The following PEA15 variants were observed in gnomAD, a reference collection of about 807,000 sequenced individuals.
PEA15 encodes proliferation and apoptosis adaptor protein 15.
For synonymous variants in PEA15, 60 were observed against 61.8 expected (o/e 0.97, Z 0.13); for missense variants, 77 against 161.3 (o/e 0.48, Z 2.83).
chr1:160,211,251 G>A, intron 1 of PEA15: 1 of 1,075,768 alleles, frequency 9.3e-7, no homozygotes, highest in South Asian at 4.4e-5. Flanking sequence ...TCAGTCAGGG[G>A]AACTGTTGCC....
rs561151171 is a variant in PEA15 at position 160,214,483 on chromosome 1, G to C, written c.*997G>C. On this transcript the variant is annotated 3_prime_UTR_variant, in exon 4 of 4. Coordinates refer to ENST00000360472, the MANE Select transcript of PEA15 (RefSeq NM_003768.5). ...AAACCCTTCTTTACTAGATATCCTG[G>C]CCCCCTGGGCTTGTGAACACCTCCT... is the stretch of plus-strand genomic sequence containing the variant. The C allele has an allele frequency of 6.6e-6, 1 of 152,542 alleles. No homozygotes were observed. Among genetic ancestry groups the C allele is most frequent in the African/African-American group, 2.4e-5 (1 of 41,370 alleles). 9.4% of individuals were successfully genotyped at this position (152,542 alleles called of 1,614,324 possible). A position where few individuals can be genotyped will look rare whatever the true frequency, so the allele number is the denominator to read the frequency against.
In PEA15 at chr1:160,205,533, C is replaced by G. The variant is rs866745965; in HGVS notation, c.-3+11C>G. 7.1e-5 allele frequency: 11 copies of G among 155,184 alleles called. No individual in the cohort carries two copies. The highest frequency in any genetic ancestry group is 3.4e-4 in the South Asian group (2 of 5,806). 9.6% of individuals were successfully genotyped at this position (155,184 alleles called of 1,614,324 possible). ...TCAGCTCCAGAGGCGGTGAGAGGGG[C>G]GGAGAGGAGACATGTCGCGGGGAAG... On this transcript the variant is annotated intron_variant, in intron 1 of 3. Coordinates refer to ENST00000360472, the MANE Select transcript of PEA15 (RefSeq NM_003768.5). The surrounding 1 kb of genome is among the most constrained non-coding windows in gnomAD (Gnocchi z 5.9).
At position 160,213,473 on chromosome 1, in the gene PEA15, CGAA is replaced by C; in HGVS notation, c.385_387del (p.Lys129del). 6.2e-7 allele frequency: 1 copy of C among 1,614,036 alleles called. No individual in the cohort carries two copies. The highest frequency in any genetic ancestry group is 2.2e-5 in the East Asian group (1 of 44,874). ...GAGATCATCAAATTGGCTCCCCCAC[CGAA>C]GAAGGCCTGAGCAAGGGGGAGGAAG... On this transcript the variant is annotated inframe_deletion, in exon 4 of 4. Transcript: ENST00000360472. The surrounding 1 kb of genome is among the most constrained non-coding windows in gnomAD (Gnocchi z 5.3).
At chr1:160,209,214 C>T (rs1000310062) in intron 1 of PEA15, among the ~76,000 whole-genome samples, 1 of 152,176 alleles carries the variant, frequency 6.6e-6, no homozygotes, top group African/African-American at 2.4e-5. Flanking sequence ...CCTCCATTAC[C>T]AGAACATCCA....
chr1:160,205,597 C>G lies in PEA15; in HGVS notation c.-3+75C>G, dbSNP rs1201878199. 1 of 153,284 alleles carries G rather than the reference C, an allele frequency of 6.5e-6. No individual in the cohort carries two copies. The highest frequency in any genetic ancestry group is 1.9e-4 in the East Asian group (1 of 5,220). The allele number at this position is 153,284 out of a possible 1,614,324, so 9.5% of individuals were successfully genotyped here. A position where few individuals can be genotyped will look rare whatever the true frequency, so the allele number is the denominator to read the frequency against. ...GGTCTAGGCTTGGAGGGGCAACGATCTGGGACACCGGGGGCCAGACGGGGA... is the reference window on the plus strand; with the variant it reads ...GGTCTAGGCTTGGAGGGGCAACGATGTGGGACACCGGGGGCCAGACGGGGA... On this transcript the variant is annotated intron_variant, in intron 1 of 3. Coordinates refer to ENST00000360472, the MANE Select transcript of PEA15 (RefSeq NM_003768.5). The surrounding 1 kb of genome is among the most constrained non-coding windows in gnomAD (Gnocchi z 5.9).
intron 1 of PEA15, among the ~76,000 whole-genome samples, chr1:160,209,925 T>C (rs1467915250): frequency 6.6e-6 from 1 of 152,260 alleles, no homozygotes; most frequent in African/African-American, 2.4e-5. Context: ...TGGCCCGGCC[T>C]GGCAGGGCCA....
At position 160,214,390 on chromosome 1, in the gene PEA15, G is replaced by A. The variant is rs2101704643; in HGVS notation, c.*904G>A. ...GAAGAACATCCCAAGCCAGAAAGAA[G>A]TTAACTACAGTGTTTTCCTTTGCAC... is the stretch of plus-strand genomic sequence containing the variant. On this transcript the variant is annotated 3_prime_UTR_variant, in exon 4 of 4. Coordinates refer to ENST00000360472, the MANE Select transcript of PEA15 (RefSeq NM_003768.5). The A allele has an allele frequency of 6.5e-6, 1 of 152,730 alleles. No individual in the cohort carries two copies. The highest frequency in any genetic ancestry group is 2.4e-5 in the African/African-American group (1 of 41,534). 9.5% of individuals were successfully genotyped at this position (152,730 alleles called of 1,614,324 possible).
chr1:160,205,420 A>AGCG lies in PEA15; in HGVS notation c.-88_-86dup, dbSNP rs17551437. The AGCG allele has an allele frequency of 0.43, 78,034 of 182,172 alleles. 17,145 individuals carry two copies. Among genetic ancestry groups the AGCG allele is most frequent in the South Asian group, 0.57 (4,663 of 8,120 alleles). The allele number at this position is 182,172 out of a possible 1,614,324, so 11.3% of individuals were successfully genotyped here. A position where few individuals can be genotyped will look rare whatever the true frequency, so the allele number is the denominator to read the frequency against. On this transcript the variant is annotated 5_prime_UTR_variant, in exon 1 of 4. Transcript: ENST00000360472. This position sits in a 1 kb window ranked among gnomAD's most constrained non-coding sequence, Gnocchi z 5.9. ...CGGAAGAGGCGGCGGCGGCGGCAGA[A>AGCG]GCGGCGGCGGCGGCGGCGGGAGCCG...
Position 160,213,106 on chromosome 1 carries a change from C to T in PEA15, c.173-4C>T. 1 of 1,614,072 alleles carries T rather than the reference C, an allele frequency of 6.2e-7. No individual in the cohort carries two copies. Among genetic ancestry groups the T allele is most frequent in the South Asian group, 1.1e-5 (1 of 91,066 alleles). On this transcript the variant is annotated splice_region_variant and splice_polypyrimidine_tract_variant and intron_variant, in intron 2 of 3. Transcript: ENST00000360472. This position sits in a 1 kb window ranked among gnomAD's most constrained non-coding sequence, Gnocchi z 5.3. The stretch of plus-strand genomic sequence containing the variant: ...CTCTGACCCTATCTCCTGCCTTCCT[C>T]CAGACAACCTCTCCTACATTGAGCA...
Position 160,208,891 on chromosome 1 carries a change from G to T in PEA15, c.-2-2652G>T. The T allele has an allele frequency of 1.8e-6, 1 of 544,542 alleles. No homozygotes were observed. Among genetic ancestry groups the T allele is most frequent in the East Asian group, 3.0e-5 (1 of 32,858 alleles). 33.7% of individuals were successfully genotyped at this position (544,542 alleles called of 1,614,324 possible). On this transcript the variant is annotated intron_variant, in intron 1 of 3. Coordinates refer to ENST00000360472, the MANE Select transcript of PEA15 (RefSeq NM_003768.5). This position sits in a 1 kb window ranked among gnomAD's most constrained non-coding sequence, Gnocchi z 4.1. ...TAGTGGTGTCATCCTAACGACTGGGGGTGGGGGGCACCCAGAACTGAGGTT... is the reference window on the plus strand; with the variant it reads ...TAGTGGTGTCATCCTAACGACTGGGTGTGGGGGGCACCCAGAACTGAGGTT...
At position 160,207,606 on chromosome 1, in the gene PEA15, G is replaced by A. The variant is rs1159668546; in HGVS notation, c.-3+2084G>A. On this transcript the variant is annotated intron_variant, in intron 1 of 3. Coordinates refer to ENST00000360472, the MANE Select transcript of PEA15 (RefSeq NM_003768.5). ...GAAGTGAACATTTTAGGGCCCAGAT[G>A]TCCTGCCTCTCGTCACTTCCAGGCT... Among the ~76,000 whole-genome samples the A allele has an allele frequency of 6.6e-5, 10 of 152,254 alleles. No individual in the cohort carries two copies. In the East Asian group the frequency reaches 1.4e-3, roughly 21 times the overall value.
At chr1:160,211,314 GGTATGACTT>G (rs1476641164) in intron 1 of PEA15, 1 of 1,228,684 alleles carries the variant, frequency 8.1e-7, no homozygotes, top group African/African-American at 1.5e-5. Flanking sequence ...GGGGGAAGGA[GGTATGACTT>G]GTCACTCTAG....
intron 1 of PEA15, among the ~76,000 whole-genome samples, chr1:160,209,246 C>A (rs1654744373): frequency 6.6e-6 from 1 of 152,170 alleles, no homozygotes; most frequent in African/African-American, 2.4e-5. Flanking sequence ...AGATACCCAG[C>A]CACTGCCTCC....
intron 1 of PEA15, among the ~76,000 whole-genome samples, chr1:160,210,561 G>A (rs538919954): frequency 8.5e-5 from 13 of 152,218 alleles, no homozygotes; most frequent in Non-Finnish European, 1.8e-4. Flanking sequence ...CATGAAAGAG[G>A]GATAGGGTGA....
rs1654948391 is a variant in PEA15 at position 160,213,228 on chromosome 1, C to G, written c.291C>G (p.Thr97=). 6.2e-7 allele frequency: 1 copy of G among 1,614,200 alleles called. No individual in the cohort carries two copies. Among genetic ancestry groups the G allele is most frequent in the African/African-American group, 1.3e-5 (1 of 75,056 alleles). The change falls in exon 3 of 4, where the codon ACC becomes ACG. Residue 97 remains threonine, a synonymous_variant. Coordinates refer to ENST00000360472, the MANE Select transcript of PEA15 (RefSeq NM_003768.5). This position sits in a 1 kb window ranked among gnomAD's most constrained non-coding sequence, Gnocchi z 5.3. ...TCTCTGAGGAGGATGAGCTGGACACCAAGCTAACCCGTATCCCCAGTGCCA... is the reference window on the plus strand; with the variant it reads ...TCTCTGAGGAGGATGAGCTGGACACGAAGCTAACCCGTATCCCCAGTGCCA... ...LKISEEDELD[T]KLTRIPSAKK... is the part of the protein sequence containing the mutation.
chr1:160,212,987 G>GTGT, intron 2 of PEA15, 123 bp from the exon 3 acceptor site: 1 of 904,086 alleles, frequency 1.1e-6, no homozygotes, highest in Non-Finnish European at 1.8e-6. Context: ...TCTTCCTCCA[G>GTGT]TGTTGTACCC....
At chr1:160,209,789 A>ACCC (rs1050659538) in intron 1 of PEA15, among the ~76,000 whole-genome samples, 1 of 150,328 alleles carries the variant, frequency 6.7e-6, no homozygotes, top group East Asian at 2.0e-4. Flanking sequence ...CCTCACCCGT[A>ACCC]CCCCCCTCCT....
chr1:160,211,507 C>T (rs1409209081), intron 1 of PEA15, 36 bp from the exon 2 acceptor site: 2 of 1,575,546 alleles, frequency 1.3e-6, no homozygotes, highest in East Asian at 2.3e-5. Context: ...ATACCTTAAG[C>T]TCAACTCCTA....
chr1:160,213,967 GAA>G lies in PEA15; in HGVS notation c.*484_*485del, dbSNP rs1233699425. 2.2e-5 allele frequency: 4 copies of G among 180,096 alleles called. No homozygotes were observed. In the East Asian group the frequency reaches 5.6e-4, roughly 25 times the overall value. The allele number at this position is 180,096 out of a possible 1,614,324, so 11.2% of individuals were successfully genotyped here. On this transcript the variant is annotated 3_prime_UTR_variant, in exon 4 of 4. Coordinates refer to ENST00000360472, the MANE Select transcript of PEA15 (RefSeq NM_003768.5). This position sits in a 1 kb window ranked among gnomAD's most constrained non-coding sequence, Gnocchi z 5.3. Reference sequence around the variant, plus strand: ...TCAACCCCCACCTGGAAGGGGCAAAGAAAAGCCAGAGTTCCATGTTTGTACTC... The same window carrying G: ...TCAACCCCCACCTGGAAGGGGCAAAGAAGCCAGAGTTCCATGTTTGTACTC...
Sources: gnomAD v4.1 joint callset for allele counts (sites outside exome capture counted in the v4.1 genomes callset) on GRCh38, gnomAD v4.1.1 for gene constraint, Gnocchi (gnomAD v3.1) non-coding constraint, MANE v1.5 for transcripts, NCBI Gene and HGNC (gene_info 2026-07-23, HGNC 2026-07-21) for gene names.